Variants in MTARC2 observed in about 807,000 individuals in gnomAD.
The protein encoded by MTARC2 is mitochondrial amidoxime reducing component 2.
MTARC2 carries 27 observed loss-of-function variants against 35.6 expected under a neutral mutation model. The observed-to-expected ratio is 0.76, with a 90% CI of 0.56 to 1.04. The LOEUF is 1.04. Ranked by LOEUF, MTARC2 falls within the 50% of genes least tolerant of loss-of-function variation. MTARC2 has a pLI of 0.00. For synonymous variants in MTARC2, 158 were observed against 167.1 expected (o/e 0.95, Z 0.42); for missense variants, 412 against 432.5 (o/e 0.95, Z 0.42).
chr1:220,757,390 G>C (rs1010227583), intron 2 of MTARC2, among the ~76,000 whole-genome samples: 38 of 152,360 alleles, frequency 2.5e-4, no homozygotes, highest in African/African-American at 9.1e-4. Context: ...AGTTCAGCCT[G>C]TATTTATAAG....
rs201475364 is a variant in MTARC2, at chr1:220,772,686, G to GTATGTGTGTGTGTT, written c.751-7331_751-7330insATGTGTGTGTGTTT. 9.4e-3 allele frequency among the ~76,000 whole-genome samples: 1,423 copies of GTATGTGTGTGTGTT among 151,192 alleles called. 20 individuals are homozygous for GTATGTGTGTGTGTT. The highest frequency in any genetic ancestry group is 0.033 in the African/African-American group (1,358 of 41,138). ...GAGAAAGAGGCACTCTGGGCAGGGT[G>GTATGTGTGTGTGTT]TGTGTGTGTGTGTTTGTGTGTGTGT... On this transcript the variant is annotated intron_variant, in intron 4 of 7. Coordinates refer to ENST00000366913, the MANE Select transcript of MTARC2 (RefSeq NM_017898.5).
intron 4 of MTARC2, among the ~76,000 whole-genome samples, chr1:220,776,865 G>C (rs1309856659): frequency 1.3e-5 from 2 of 152,154 alleles, no homozygotes; most frequent in African/African-American, 4.8e-5. Flanking sequence ...GGCTGGGTCG[G>C]CTTCCATTCC....
chr1:220,781,232 A>G (rs1413214727), intron 6 of MTARC2, among the ~76,000 whole-genome samples: 3 of 152,198 alleles, frequency 2.0e-5, no homozygotes, highest in Non-Finnish European at 2.9e-5. Context: ...AGTGATAATT[A>G]TTTAAGATGC....
In MTARC2 at chr1:220,769,978, G is replaced by A. The variant is rs535863234; in HGVS notation, c.750+6928G>A. On this transcript the variant is annotated intron_variant, in intron 4 of 7. Transcript: ENST00000366913. ...AAAAATTAAGCGGGCGTGATGGCGG[G>A]CGACTGTAGCCCCAGCTACTCGGGA... Among the ~76,000 whole-genome samples, 286 of 149,346 alleles carry A rather than the reference G, an allele frequency of 1.9e-3. 3 individuals are homozygous for A. The highest frequency in any genetic ancestry group is 6.9e-3 in the African/African-American group (279 of 40,186).
At chr1:220,779,462 A>C (rs12033644) in intron 4 of MTARC2, among the ~76,000 whole-genome samples, 2,459 of 152,246 alleles carry the variant, frequency 0.016, 41 homozygotes, top group East Asian at 0.055. Flanking sequence ...GGATTGAGTT[A>C]ATCCCTGAGG....
intron 2 of MTARC2, among the ~76,000 whole-genome samples, chr1:220,759,738 A>G (rs929092631): frequency 6.6e-6 from 1 of 152,184 alleles, no homozygotes; most frequent in African/African-American, 2.4e-5. Flanking sequence ...GGAGAGGATC[A>G]TGAGATGTCT....
intron 1 of MTARC2, among the ~76,000 whole-genome samples, chr1:220,751,054 A>G (rs1671111743): frequency 1.3e-5 from 2 of 152,146 alleles, no homozygotes; most frequent in African/African-American, 2.4e-5. Context: ...GCTGGAGAGA[A>G]CTCTGTTTGA....
At chr1:220,781,307 A>G (rs1025740359) in intron 6 of MTARC2, among the ~76,000 whole-genome samples, 3 of 152,180 alleles carry the variant, frequency 2.0e-5, no homozygotes, top group Non-Finnish European at 4.4e-5. Context: ...AGTAGTCCAG[A>G]CCCATCTGCC....
intron 4 of MTARC2, among the ~76,000 whole-genome samples, chr1:220,773,364 A>C (rs1306527808): frequency 1.3e-5 from 2 of 152,228 alleles, no homozygotes; most frequent in Non-Finnish European, 2.9e-5. Flanking sequence ...GAGAGCCTCC[A>C]TCCCCATCCC....
At chr1:220,769,558 G>T (rs913230773) in intron 4 of MTARC2, among the ~76,000 whole-genome samples, 4 of 152,192 alleles carry the variant, frequency 2.6e-5, no homozygotes, top group Non-Finnish European at 4.4e-5. Flanking sequence ...TTCCAGGGGA[G>T]CAAAGTCGTA....
At chr1:220,780,590 C>T (rs1301081274) in intron 6 of MTARC2, among the ~76,000 whole-genome samples, 15 of 151,816 alleles carry the variant, frequency 9.9e-5, no homozygotes, top group Non-Finnish European at 2.1e-4. Context: ...GCTGGGACTA[C>T]AGGTGTGTGC....
At chr1:220,782,058 T>C (rs571832673) in intron 7 of MTARC2, 126 bp downstream of exon 7, 2 of 863,864 alleles carry the variant, frequency 2.3e-6, no homozygotes, top group Non-Finnish European at 3.4e-6. Context: ...ATTCTGATCT[T>C]TGGAGTTGGA....
In MTARC2 at chr1:220,748,505, C is replaced by G; in HGVS notation, c.-27C>G. On this transcript the variant is annotated 5_prime_UTR_variant, in exon 1 of 8. Coordinates refer to ENST00000366913, the MANE Select transcript of MTARC2 (RefSeq NM_017898.5). ...CTCCGGTCGCTGCCGGGTCTGTGCG[C>G]CGGTCCGCGCCCGCCCTCGCTCTGC... The G allele has an allele frequency of 2.2e-6, 3 of 1,374,734 alleles. No homozygotes were observed. In the South Asian group the frequency reaches 5.1e-5, roughly 23 times the overall value. 85.2% of individuals were successfully genotyped at this position (1,374,734 alleles called of 1,614,324 possible).
chr1:220,777,841 C>T (rs1671959560), intron 4 of MTARC2, among the ~76,000 whole-genome samples: 2 of 152,108 alleles, frequency 1.3e-5, no homozygotes, highest in South Asian at 2.1e-4. Flanking sequence ...GGTTACCTCC[C>T]AATAAATGCA....
intron 6 of MTARC2, 145 bp from the exon 7 acceptor site, chr1:220,781,633 T>A (rs1393248313): frequency 1.3e-6 from 1 of 753,920 alleles, no homozygotes. Context: ...TTTGACTAAT[T>A]GTCCACAGAC....
intron 1 of MTARC2, among the ~76,000 whole-genome samples, chr1:220,753,466 G>A (rs972258629): frequency 2.6e-5 from 4 of 152,164 alleles, no homozygotes; most frequent in South Asian, 2.1e-4. Flanking sequence ...AGGACTTTAC[G>A]GATAAGGAGG....
intron 3 of MTARC2, among the ~76,000 whole-genome samples, chr1:220,762,138 A>G (rs1486998358): frequency 6.6e-6 from 1 of 152,188 alleles, no homozygotes; most frequent in Non-Finnish European, 1.5e-5. Context: ...AACAAAAGTG[A>G]GAAGTTTGTT....
At chr1:220,778,420 C>T (rs996170359) in intron 4 of MTARC2, among the ~76,000 whole-genome samples, 6 of 151,956 alleles carry the variant, frequency 3.9e-5, no homozygotes, top group African/African-American at 7.3e-5. Flanking sequence ...AGCAAGAGAG[C>T]GAAGGGGAAG....
At chr1:220,779,040 A>G (rs192821867) in intron 4 of MTARC2, among the ~76,000 whole-genome samples, 19 of 152,346 alleles carry the variant, frequency 1.2e-4, no homozygotes, top group Non-Finnish European at 1.9e-4. Context: ...GTTATATTAA[A>G]TAAATATGTA....
Sources: gnomAD v4.1 joint callset for allele counts (sites outside exome capture counted in the v4.1 genomes callset) on GRCh38, gnomAD v4.1.1 for gene constraint, MANE v1.5 for transcripts, NCBI Gene and HGNC (gene_info 2026-07-23, HGNC 2026-07-21) for gene names.